ULK4: variants seen among roughly 807,000 people sequenced by gnomAD.
The protein encoded by ULK4 is unc-51 like kinase 4.
A neutral mutation model predicts 160.6 loss-of-function variants in ULK4; 133 were observed. The ratio of observed to expected loss-of-function variants is 0.83; its 90% CI spans 0.72 to 0.96. The LOEUF is 0.96. ULK4 is among the 40% of genes least tolerant of loss of function. The pLI, the probability that ULK4 is intolerant of heterozygous loss-of-function variation, is 0.00. For synonymous variants in ULK4, 534 were observed against 539.8 expected (o/e 0.99, Z 0.15); for missense variants, 1,580 against 1,499.5 (o/e 1.05, Z -0.89).
chr3:41,420,473 TTC>T lies in ULK4; in HGVS notation c.3493-22211_3493-22210del, dbSNP rs1231033672. 1.2e-3 allele frequency among the ~76,000 whole-genome samples: 142 copies of T among 117,256 alleles called. 1 individual carries two copies. The highest frequency in any genetic ancestry group is 4.6e-3 in the South Asian group (17 of 3,668). The allele number at this position is 117,256 out of a possible 152,430, so 76.9% of individuals were successfully genotyped here. The stretch of plus-strand genomic sequence containing the variant: ...AGGGATTTTTCAGTTTTCCAGTTCT[TTC>T]TTTTTTTTTTTTTTTTTTTTTTTTT... On this transcript the variant is annotated intron_variant, in intron 34 of 36. Coordinates refer to ENST00000301831, the MANE Select transcript of ULK4 (RefSeq NM_017886.4).
chr3:41,765,339 A>G (rs2039122720), intron 21 of ULK4, among the ~76,000 whole-genome samples: 1 of 152,076 alleles, frequency 6.6e-6, no homozygotes, highest in South Asian at 2.1e-4. Context: ...GCTCTCACTC[A>G]TAGGTGGGAA....
chr3:41,478,194 T>C (rs942678179), intron 32 of ULK4, among the ~76,000 whole-genome samples: 5 of 152,208 alleles, frequency 3.3e-5, no homozygotes, highest in African/African-American at 1.2e-4. Context: ...TCAAACACAT[T>C]TAGCTCAATG....
intron 35 of ULK4, among the ~76,000 whole-genome samples, chr3:41,391,058 C>G (rs2081947336): frequency 6.6e-6 from 1 of 152,096 alleles, no homozygotes; most frequent in African/African-American, 2.4e-5. Context: ...CAATGTTTAT[C>G]TTTCTGTGCC....
At chr3:41,925,168 A>C (rs753271286) in intron 5 of ULK4, among the ~76,000 whole-genome samples, 3 of 152,330 alleles carry the variant, frequency 2.0e-5, no homozygotes, top group Non-Finnish European at 4.4e-5. Context: ...TCAATGAAGA[A>C]GGCAGGTGAC....
chr3:41,755,990 G>T (rs546508368), intron 21 of ULK4, among the ~76,000 whole-genome samples: 87 of 152,246 alleles, frequency 5.7e-4, no homozygotes, highest in Non-Finnish European at 7.2e-4. Flanking sequence ...CACACAAAGT[G>T]AAAGAGATAA....
chr3:41,681,302 T>C (rs2035913640), intron 29 of ULK4, among the ~76,000 whole-genome samples: 1 of 152,200 alleles, frequency 6.6e-6, no homozygotes, highest in South Asian at 2.1e-4. Context: ...TAAATGGATG[T>C]CCTCAAAGAT....
At chr3:41,791,460 T>C (rs1169200275) in intron 20 of ULK4, among the ~76,000 whole-genome samples, 6 of 152,214 alleles carry the variant, frequency 3.9e-5, no homozygotes, top group African/African-American at 1.4e-4. Context: ...AAGATGACTT[T>C]ATTATAGCCA....
At chr3:41,851,676 G>C (rs962148729) in intron 17 of ULK4, among the ~76,000 whole-genome samples, 3 of 151,996 alleles carry the variant, frequency 2.0e-5, no homozygotes, top group Non-Finnish European at 2.9e-5. Context: ...TTGTACCTCT[G>C]GTAGAATTTG....
At chr3:41,288,990 G>A in intron 35 of ULK4, among the ~76,000 whole-genome samples, 1 of 152,212 alleles carries the variant, frequency 6.6e-6, no homozygotes, top group African/African-American at 2.4e-5. Context: ...GGGCTCCACA[G>A]CTCGGAGCAC....
chr3:41,668,659 C>A (rs1473056599), intron 29 of ULK4, among the ~76,000 whole-genome samples: 1 of 151,934 alleles, frequency 6.6e-6, no homozygotes, highest in Non-Finnish European at 1.5e-5. Flanking sequence ...GACTATAAAT[C>A]AAAAGAAAAG....
chr3:41,895,936 A>T (rs934768341), intron 15 of ULK4, among the ~76,000 whole-genome samples: 6 of 152,210 alleles, frequency 3.9e-5, no homozygotes, highest in African/African-American at 1.4e-4. Context: ...AACCACTGTA[A>T]TTCCTCTCTG....
At chr3:41,784,652 A>C (rs1469600422) in intron 21 of ULK4, among the ~76,000 whole-genome samples, 3 of 145,610 alleles carry the variant, frequency 2.1e-5, no homozygotes, top group Non-Finnish European at 4.6e-5. Context: ...CACAAAATAA[A>C]TCAAGCACTC....
chr3:41,854,949 T>TAAAAAAAAA (rs60582292), intron 17 of ULK4: 1 of 106,978 alleles, frequency 9.3e-6, no homozygotes, highest in Non-Finnish European at 2.0e-5. Context: ...ATCCTTGGCT[T>TAAAAAAAAA]AAAAAAAAAA....
intron 21 of ULK4, 101 bp from the exon 22 acceptor site, chr3:41,754,589 A>T: frequency 9.2e-7 from 1 of 1,086,404 alleles, no homozygotes; most frequent in South Asian, 2.5e-5. Flanking sequence ...AGATGGCAGG[A>T]AGTAAAATAA....
intron 32 of ULK4, among the ~76,000 whole-genome samples, chr3:41,482,034 G>A (rs2084346345): frequency 6.6e-6 from 1 of 151,846 alleles, no homozygotes; most frequent in Non-Finnish European, 1.5e-5. Flanking sequence ...CTTACTTTTG[G>A]GAATGTCCTA....
At chr3:41,658,985 CTTTAT>C (rs1253789919) in intron 30 of ULK4, among the ~76,000 whole-genome samples, 4 of 152,158 alleles carry the variant, frequency 2.6e-5, no homozygotes, top group African/African-American at 7.2e-5. Flanking sequence ...TAGAAACCCT[CTTTAT>C]TTTGATTGTG....
chr3:41,399,809 C>A (rs1012323939), intron 34 of ULK4, among the ~76,000 whole-genome samples: 5 of 151,978 alleles, frequency 3.3e-5, no homozygotes, highest in African/African-American at 9.7e-5. Flanking sequence ...CACCATGCTG[C>A]CACAGCTAGT....
intron 29 of ULK4, among the ~76,000 whole-genome samples, chr3:41,680,036 T>C (rs1373975255): frequency 1.3e-5 from 2 of 152,196 alleles, no homozygotes; most frequent in African/African-American, 4.8e-5. Flanking sequence ...CCTTTAAATA[T>C]ATTTTGTACA....
chr3:41,678,569 C>T (rs2035813921), intron 29 of ULK4, among the ~76,000 whole-genome samples: 1 of 152,128 alleles, frequency 6.6e-6, no homozygotes, highest in Non-Finnish European at 1.5e-5. Context: ...AGAAATCAAG[C>T]CCCTAAATCC....
Sources: allele counts gnomAD v4.1 joint callset (sites outside exome capture counted in the v4.1 genomes callset), GRCh38; gene constraint gnomAD v4.1.1; transcripts MANE v1.5; gene names NCBI Gene and HGNC (gene_info 2026-07-23, HGNC 2026-07-21).